RHOU: variants seen among roughly 807,000 people sequenced by gnomAD.
The protein encoded by RHOU is rho-related GTP-binding protein RhoU.
RHOU carries 8 observed loss-of-function variants against 12.6 expected under a neutral mutation model. That is an observed-to-expected ratio of 0.64 (90% confidence interval 0.37 to 1.15). The LOEUF (loss-of-function observed/expected upper bound fraction) is 1.15. Ranked by LOEUF, RHOU falls within the 50% of genes most tolerant of loss-of-function variation. The pLI, the probability that RHOU is intolerant of heterozygous loss-of-function variation, is 0.01. For missense variants in RHOU, 258 were observed against 347.0 expected (o/e 0.74, Z 2.04); for synonymous variants, 161 against 147.4 (o/e 1.09, Z -0.67).
chr1:228,669,653 T>G, the RHOU span, among the ~76,000 whole-genome samples: 5 of 152,210 alleles, frequency 3.3e-5, no homozygotes, highest in African/African-American at 1.2e-4. Context: ...TTAACTTAGA[T>G]GTAGTCTCCT....
the RHOU span, among the ~76,000 whole-genome samples, chr1:228,651,720 A>T: frequency 6.6e-6 from 1 of 152,254 alleles, no homozygotes; most frequent in South Asian, 2.1e-4. Context: ...GGGAGAAAGA[A>T]GTTGCTGGAC....
rs577598672 is a variant in RHOU, at chr1:228,745,483, G to C, written c.*1743G>C. 3.3e-5 allele frequency: 5 copies of C among 152,262 alleles called. No individual in the cohort carries two copies. Among genetic ancestry groups the C allele is most frequent in the African/African-American group, 1.2e-4 (5 of 41,530 alleles). 9.4% of individuals were successfully genotyped at this position (152,262 alleles called of 1,614,324 possible). A position where few individuals can be genotyped will look rare whatever the true frequency, so the allele number is the denominator to read the frequency against. On this transcript the variant is annotated 3_prime_UTR_variant, in exon 3 of 3. Coordinates refer to ENST00000366691, the MANE Select transcript of RHOU (RefSeq NM_021205.6). ...AGTAAAAGATCAGGTTATACTTTAGGTTAGGGGTTCTATTTATTCCTGTTA... is the reference window on the plus strand; with the variant it reads ...AGTAAAAGATCAGGTTATACTTTAGCTTAGGGGTTCTATTTATTCCTGTTA...
At chr1:228,646,630 C>T in the RHOU span, among the ~76,000 whole-genome samples, 2 of 141,140 alleles carry the variant, frequency 1.4e-5, no homozygotes, top group African/African-American at 5.3e-5. Context: ...GGGGGTGGCC[C>T]TGTTTTGCCC....
chr1:228,739,611 C>T (rs1450463935), intron 2 of RHOU, among the ~76,000 whole-genome samples: 5 of 152,144 alleles, frequency 3.3e-5, no homozygotes, highest in African/African-American at 7.2e-5. Context: ...ACATAGCCAT[C>T]GGACCTGCTG....
chr1:228,676,387 C>T, the RHOU span, among the ~76,000 whole-genome samples: 1 of 152,108 alleles, frequency 6.6e-6, no homozygotes, highest in African/African-American at 2.4e-5. Context: ...CATGGTGGCT[C>T]ATACCTGTAA....
chr1:228,681,129 A>T, the RHOU span, among the ~76,000 whole-genome samples: 1 of 152,208 alleles, frequency 6.6e-6, no homozygotes, highest in Non-Finnish European at 1.5e-5. Context: ...GTCTGATGAG[A>T]AAGAGCCTAA....
the RHOU span, among the ~76,000 whole-genome samples, chr1:228,649,023 C>T: frequency 6.6e-6 from 1 of 152,096 alleles, no homozygotes; most frequent in African/African-American, 2.4e-5. Context: ...ACCAACCTCG[C>T]CTGGCTAGTT....
the RHOU span, among the ~76,000 whole-genome samples, chr1:228,715,560 C>T: frequency 6.6e-6 from 1 of 152,004 alleles, no homozygotes; most frequent in Non-Finnish European, 1.5e-5. Context: ...TCTTTATGAC[C>T]TGACATATAA....
At chr1:228,651,763 T>C in the RHOU span, among the ~76,000 whole-genome samples, 1 of 152,210 alleles carries the variant, frequency 6.6e-6, no homozygotes, top group East Asian at 1.9e-4. Flanking sequence ...GCCAATTCAT[T>C]TTGAAGGAAG....
chr1:228,722,296 T>C, the RHOU span, among the ~76,000 whole-genome samples: 1 of 152,206 alleles, frequency 6.6e-6, no homozygotes, highest in Non-Finnish European at 1.5e-5. Context: ...AAAATGTCTG[T>C]TCTTTTCCTT....
chr1:228,714,716 T>C, the RHOU span, among the ~76,000 whole-genome samples: 2 of 150,772 alleles, frequency 1.3e-5, no homozygotes, highest in South Asian at 4.2e-4. Flanking sequence ...AGTTAGCTAA[T>C]GGCTTGTTTA....
At chr1:228,688,801 CAG>C in the RHOU span, among the ~76,000 whole-genome samples, 1 of 152,176 alleles carries the variant, frequency 6.6e-6, no homozygotes, top group African/African-American at 2.4e-5. Flanking sequence ...AACAGGTCAC[CAG>C]CGCAGGTAGA....
At position 228,736,020 on chromosome 1, in the gene RHOU, G is replaced by A; in HGVS notation, c.262+16G>A. The A allele has an allele frequency of 6.4e-7, 1 of 1,568,616 alleles. No homozygotes were observed. The highest frequency in any genetic ancestry group is 1.1e-5 in the South Asian group (1 of 89,302). On this transcript the variant is annotated intron_variant, in intron 1 of 2. Coordinates refer to ENST00000366691, the MANE Select transcript of RHOU (RefSeq NM_021205.6). ...AACTTCTCCGGTGAGCTGGCCGGGGGGCCGGGGCCGGGGGCGCGTGGCCGC... is the reference window on the plus strand; with the variant it reads ...AACTTCTCCGGTGAGCTGGCCGGGGAGCCGGGGCCGGGGGCGCGTGGCCGC...
At chr1:228,663,425 C>A in the RHOU span, among the ~76,000 whole-genome samples, 1 of 151,902 alleles carries the variant, frequency 6.6e-6, no homozygotes, top group Non-Finnish European at 1.5e-5. Flanking sequence ...CCAGACTAGG[C>A]ACTTATCACA....
the RHOU span, among the ~76,000 whole-genome samples, chr1:228,721,156 G>A: frequency 6.6e-6 from 1 of 152,090 alleles, no homozygotes; most frequent in Non-Finnish European, 1.5e-5. Context: ...AGAAAAATTA[G>A]CCTGGCGTGG....
Position 228,736,021 on chromosome 1 carries a change from G to A in RHOU, c.262+17G>A. On this transcript the variant is annotated intron_variant, in intron 1 of 2. Coordinates refer to ENST00000366691, the MANE Select transcript of RHOU (RefSeq NM_021205.6). ...ACTTCTCCGGTGAGCTGGCCGGGGG[G>A]CCGGGGCCGGGGGCGCGTGGCCGCG... is the stretch of plus-strand genomic sequence containing the variant. 1 of 1,568,218 alleles carries A rather than the reference G, an allele frequency of 6.4e-7. No homozygotes were observed. The highest frequency in any genetic ancestry group is 8.6e-7 in the Non-Finnish European group (1 of 1,164,646).
At chr1:228,698,502 C>T in the RHOU span, among the ~76,000 whole-genome samples, 3 of 152,186 alleles carry the variant, frequency 2.0e-5, no homozygotes, top group Non-Finnish European at 4.4e-5. Flanking sequence ...TATTTACCAC[C>T]ATTTTAGTAT....
chr1:228,665,551 C>T, the RHOU span, among the ~76,000 whole-genome samples: 3 of 152,098 alleles, frequency 2.0e-5, no homozygotes, highest in African/African-American at 7.2e-5. Context: ...GAGTGGGGAA[C>T]AGTAATATAT....
At chr1:228,685,737 T>C in the RHOU span, among the ~76,000 whole-genome samples, 1 of 152,204 alleles carries the variant, frequency 6.6e-6, no homozygotes, top group African/African-American at 2.4e-5. Context: ...TAATCAAAAT[T>C]AATCTTCTCA....
Sources: gnomAD v4.1 joint callset for allele counts (sites outside exome capture counted in the v4.1 genomes callset) on GRCh38, gnomAD v4.1.1 for gene constraint, MANE v1.5 for transcripts, NCBI Gene and HGNC (gene_info 2026-07-23, HGNC 2026-07-21) for gene names.